Variants in EGF observed in about 807,000 individuals in gnomAD.
The protein encoded by EGF is epidermal growth factor, also known as pro-epidermal growth factor.
A neutral mutation model predicts 143.8 loss-of-function variants in EGF; 95 were observed. The ratio of observed to expected loss-of-function variants is 0.66; its 90% CI spans 0.56 to 0.78. The LOEUF (loss-of-function observed/expected upper bound fraction) is 0.78. Among genes scored for constraint, EGF ranks in the 30% least tolerant of loss-of-function variants. The pLI, the probability that EGF is intolerant of heterozygous loss-of-function variation, is 0.00. For synonymous variants in EGF, 510 were observed against 510.5 expected (o/e 1.00, Z 0.01); for missense variants, 1,320 against 1,470.9 (o/e 0.90, Z 1.68).
intron 5 of EGF, among the ~76,000 whole-genome samples, chr4:109,955,719 T>C (rs1253517203): frequency 6.6e-6 from 1 of 152,206 alleles, no homozygotes; most frequent in Non-Finnish European, 1.5e-5. Context: ...GGGAGTTAGG[T>C]TGCAGGTGAC....
chr4:109,947,208 T>C (rs892888293), intron 5 of EGF, among the ~76,000 whole-genome samples: 5 of 152,162 alleles, frequency 3.3e-5, no homozygotes, highest in Admixed American at 2.6e-4. Context: ...TTTAAAAATT[T>C]GTTATAATCG....
chr4:109,957,097 A>T (rs1442426152), intron 5 of EGF, among the ~76,000 whole-genome samples: 7 of 152,142 alleles, frequency 4.6e-5, no homozygotes, highest in Non-Finnish European at 1.0e-4. Context: ...AGGGGGCAAG[A>T]ATATGTTTCT....
intron 15 of EGF, among the ~76,000 whole-genome samples, chr4:109,982,823 A>G (rs886353770): frequency 6.6e-6 from 1 of 152,178 alleles, no homozygotes; most frequent in South Asian, 2.1e-4. Flanking sequence ...TATGAAAAGA[A>G]TTATGACTTT....
At chr4:109,979,342 G>A (rs1046052747) in intron 13 of EGF, among the ~76,000 whole-genome samples, 3 of 152,084 alleles carry the variant, frequency 2.0e-5, no homozygotes, top group African/African-American at 7.2e-5. Context: ...GAAGATGTAA[G>A]AGAAAGGGGG....
chr4:109,937,809 A>C (rs926409229), intron 1 of EGF, among the ~76,000 whole-genome samples: 10 of 152,136 alleles, frequency 6.6e-5, no homozygotes, highest in Non-Finnish European at 2.9e-5. Flanking sequence ...TGGGTTGAAA[A>C]TTCTTTTCTT....
chr4:109,964,315 G>C, intron 9 of EGF, 86 bp from the exon 10 acceptor site: 1 of 1,578,132 alleles, frequency 6.3e-7, no homozygotes, highest in South Asian at 1.1e-5. Context: ...TGGGTAAAAA[G>C]GTACAGTGAA....
At chr4:109,921,601 C>T (rs1737794716) in intron 1 of EGF, among the ~76,000 whole-genome samples, 1 of 151,536 alleles carries the variant, frequency 6.6e-6, no homozygotes, top group Non-Finnish European at 1.5e-5. Flanking sequence ...GCACTGCCTC[C>T]TTCCTCCATT....
chr4:109,949,845 T>C (rs994130557), intron 5 of EGF, among the ~76,000 whole-genome samples: 1 of 152,160 alleles, frequency 6.6e-6, no homozygotes, highest in African/African-American at 2.4e-5. Context: ...ACATGGAAGA[T>C]TGATTTGTTG....
intron 15 of EGF, among the ~76,000 whole-genome samples, chr4:109,981,967 G>A (rs1298117616): frequency 1.2e-4 from 18 of 151,898 alleles, no homozygotes; most frequent in Admixed American, 1.2e-3. Context: ...GTCTCCCTCT[G>A]TTGCTCAGGC....
intron 1 of EGF, among the ~76,000 whole-genome samples, chr4:109,914,073 T>C (rs560163181): frequency 2.0e-5 from 3 of 152,168 alleles, no homozygotes; most frequent in African/African-American, 4.8e-5. Context: ...AATATGATAA[T>C]GGGTAAATAA....
intron 5 of EGF, among the ~76,000 whole-genome samples, chr4:109,951,309 G>A (rs945580056): frequency 6.6e-6 from 1 of 152,204 alleles, no homozygotes; most frequent in African/African-American, 2.4e-5. Context: ...AGTGAGCCAA[G>A]ATCAGGCCAC....
rs530292624 is a variant in EGF at position 109,934,699 on chromosome 4, T to A, written c.128-6247T>A. Among the ~76,000 whole-genome samples the A allele has an allele frequency of 3.3e-4, 50 of 152,282 alleles. No homozygotes were observed. In the South Asian group the frequency reaches 0.01, roughly 31 times the overall value. On this transcript the variant is annotated intron_variant, in intron 1 of 23. Transcript: ENST00000265171. ...CTAGGGTTTTTATGGTTTTAGGTCTTACATTTAAGTCTTTAATCAATCTTG... is the reference window on the plus strand; with the variant it reads ...CTAGGGTTTTTATGGTTTTAGGTCTAACATTTAAGTCTTTAATCAATCTTG...
intron 1 of EGF, among the ~76,000 whole-genome samples, chr4:109,923,728 C>T (rs1415760735): frequency 6.6e-6 from 1 of 151,496 alleles, no homozygotes; most frequent in Non-Finnish European, 1.5e-5. Flanking sequence ...TCAGGTGATG[C>T]TTCCACATCA....
chr4:109,941,949 C>G (rs1335961792), intron 2 of EGF, among the ~76,000 whole-genome samples: 2 of 152,190 alleles, frequency 1.3e-5, no homozygotes, highest in Non-Finnish European at 2.9e-5. Flanking sequence ...ACTAGAGAAA[C>G]TTTAAGAGTT....
At chr4:109,942,232 G>A (rs1479510041) in intron 2 of EGF, among the ~76,000 whole-genome samples, 3 of 152,186 alleles carry the variant, frequency 2.0e-5, no homozygotes, top group African/African-American at 7.2e-5. Flanking sequence ...ATTAGGAAAG[G>A]ATCAGCCTGT....
intron 10 of EGF, 125 bp from the exon 11 acceptor site, chr4:109,968,846 G>T: frequency 8.1e-7 from 1 of 1,232,544 alleles, no homozygotes; most frequent in South Asian, 1.3e-5. Context: ...GAATTTAGTT[G>T]CAGGTGTGCC....
chr4:110,004,156 A>G (rs1752924470), intron 21 of EGF: 2 of 369,862 alleles, frequency 5.4e-6, no homozygotes, highest in African/African-American at 2.1e-5. Context: ...TTAGTACTCA[A>G]TAGATACCTG....
chr4:109,996,740 G>C (rs568596910), intron 20 of EGF, among the ~76,000 whole-genome samples: 1 of 152,172 alleles, frequency 6.6e-6, no homozygotes, highest in Admixed American at 6.5e-5. Flanking sequence ...GGGTGCCCCC[G>C]GGGTGATGCA....
intron 23 of EGF, 101 bp downstream of exon 23, chr4:110,008,331 C>A: frequency 7.4e-7 from 1 of 1,353,878 alleles, no homozygotes; most frequent in Non-Finnish European, 1.0e-6. Context: ...CACACACAAA[C>A]AAAATAACTA....
Sources: gnomAD v4.1 joint callset for allele counts (sites outside exome capture counted in the v4.1 genomes callset) on GRCh38, gnomAD v4.1.1 for gene constraint, MANE v1.5 for transcripts, NCBI Gene and HGNC (gene_info 2026-07-23, HGNC 2026-07-21) for gene names.